Variants in MSRA observed in about 807,000 individuals in gnomAD.
MSRA encodes methionine sulfoxide reductase A.
Under a neutral mutation model 31.3 loss-of-function variants are expected in MSRA, and 54 were observed. The observed-to-expected ratio is 1.73, with a 90% CI of 1.39 to 2.17. The LOEUF is 2.17. MSRA is among the 30% of genes most tolerant of loss of function. MSRA has a pLI of 0.00. For synonymous variants in MSRA, 169 were observed against 116.5 expected, an observed-to-expected ratio of 1.45 and a Z score of -2.90; for missense variants, 507 against 300.9, an observed-to-expected ratio of 1.69 and a Z score of -5.07.
intron 1 of MSRA, among the ~76,000 whole-genome samples, chr8:10,190,740 C>T (rs1444819672): frequency 6.6e-6 from 1 of 152,172 alleles, no homozygotes; most frequent in East Asian, 1.9e-4. Context: ...TTCTTGTAAG[C>T]AGTATCTGAG....
intron 5 of MSRA, among the ~76,000 whole-genome samples, chr8:10,334,012 C>T (rs1585501880): frequency 6.6e-6 from 1 of 152,084 alleles, no homozygotes; most frequent in Non-Finnish European, 1.5e-5. Flanking sequence ...CGTTTTTCTC[C>T]CCCTACCCGC....
rs1030446242 is a variant in MSRA at position 10,247,510 on chromosome 8, A to G, written c.331+2287A>G. Among the ~76,000 whole-genome samples the G allele has an allele frequency of 2.6e-5, 4 of 152,218 alleles. No homozygotes were observed. The South Asian group carries it at 8.3e-4, about 32-fold the overall frequency. ...AATGATTAAGGAGAATGCCAAGGAA[A>G]TTCTTTTGTCTTTCTTATGTTTAGA... On this transcript the variant is annotated intron_variant, in intron 3 of 5. Transcript: ENST00000317173.
intron 5 of MSRA, among the ~76,000 whole-genome samples, chr8:10,389,689 T>G (rs73536280): frequency 0.085 from 12,741 of 150,486 alleles, 1,222 homozygotes; most frequent in African/African-American, 0.24. Context: ...CAGTCCTGCC[T>G]TCATGGGCCT....
At chr8:10,208,590 CTCT>C (rs920022829) in intron 2 of MSRA, among the ~76,000 whole-genome samples, 86 of 151,892 alleles carry the variant, frequency 5.7e-4, no homozygotes, top group African/African-American at 2.1e-3. Flanking sequence ...CCTTCCTTAC[CTCT>C]TCTTCTGTTG....
chr8:10,158,640 C>A (rs1465755231), intron 1 of MSRA, among the ~76,000 whole-genome samples: 1 of 152,166 alleles, frequency 6.6e-6, no homozygotes, highest in African/African-American at 2.4e-5. Flanking sequence ...AGTTGACAGA[C>A]ATTTGGGTTG....
At chr8:10,416,824 C>G (rs1022162366) in intron 5 of MSRA, among the ~76,000 whole-genome samples, 7 of 152,220 alleles carry the variant, frequency 4.6e-5, no homozygotes, top group Non-Finnish European at 7.3e-5. Flanking sequence ...GTGGAGCCAA[C>G]AAGCTGAAAC....
intron 2 of MSRA, among the ~76,000 whole-genome samples, chr8:10,225,198 A>AT (rs1318946087): frequency 7.9e-5 from 12 of 152,300 alleles, no homozygotes; most frequent in Middle Eastern, 6.8e-3. Flanking sequence ...AGGCCTTGTC[A>AT]TCTCATCCCT....
intron 5 of MSRA, among the ~76,000 whole-genome samples, chr8:10,418,815 T>TAAAAAAAAAAAAAAAAAAAAAAAAAAA (rs71203323): frequency 4.5e-5 from 3 of 66,036 alleles, no homozygotes; most frequent in Non-Finnish European, 7.4e-5. Context: ...TTACTACGAC[T>TAAAAAAAAAAAAAAAAAAAAAAAAAAA]AAAAAAAAAA....
At chr8:10,374,927 G>A (rs1805674198) in intron 5 of MSRA, among the ~76,000 whole-genome samples, 1 of 152,078 alleles carries the variant, frequency 6.6e-6, no homozygotes, top group Non-Finnish European at 1.5e-5. Flanking sequence ...TTGCTTAAAA[G>A]AGCTTGGACC....
chr8:10,105,704 C>G (rs375773137), intron 1 of MSRA, among the ~76,000 whole-genome samples: 1 of 152,096 alleles, frequency 6.6e-6, no homozygotes. Context: ...AGTAGTCTTG[C>G]TAACAAAATA....
intron 5 of MSRA, among the ~76,000 whole-genome samples, chr8:10,400,789 G>C (rs1278607962): frequency 6.6e-6 from 1 of 152,204 alleles, no homozygotes; most frequent in African/African-American, 2.4e-5. Flanking sequence ...ATGGTGCTGG[G>C]ACAACTGGAT....
rs371247153 is a variant in MSRA, at chr8:10,222,092, TA to T, written c.211+14194del. ...AGGTATGACGTGACTTTTTTTTTTT[TA>T]AAGCCACCGTGAGTGCTCTGTTGAA... On this transcript the variant is annotated intron_variant, in intron 2 of 5. Coordinates refer to ENST00000317173, the MANE Select transcript of MSRA (RefSeq NM_012331.5). 5.2e-3 allele frequency among the ~76,000 whole-genome samples: 780 copies of T among 151,222 alleles called. 6 individuals are homozygous for T. Among genetic ancestry groups the T allele is most frequent in the African/African-American group, 0.018 (729 of 41,412 alleles).
chr8:10,126,835 C>G (rs1448760075), intron 1 of MSRA, among the ~76,000 whole-genome samples: 1 of 152,182 alleles, frequency 6.6e-6, no homozygotes, highest in East Asian at 1.9e-4. Flanking sequence ...AAGGAGTGCA[C>G]ACGTGCTTAG....
At chr8:10,285,496 A>G (rs977946299) in intron 3 of MSRA, among the ~76,000 whole-genome samples, 1 of 152,128 alleles carries the variant, frequency 6.6e-6, no homozygotes, top group Non-Finnish European at 1.5e-5. Context: ...TTGTGTTGGG[A>G]ACCTTCAAAA....
chr8:10,226,822 C>G (rs904084958), intron 2 of MSRA, among the ~76,000 whole-genome samples: 1 of 152,206 alleles, frequency 6.6e-6, no homozygotes. Context: ...ACAGCTCATT[C>G]TCAGCCTGCC....
chr8:10,246,205 A>T (rs1473126674), intron 3 of MSRA, among the ~76,000 whole-genome samples: 1 of 152,204 alleles, frequency 6.6e-6, no homozygotes, highest in Non-Finnish European at 1.5e-5. Flanking sequence ...GCTTGCAACC[A>T]ACTATGTGGT....
Position 10,200,158 on chromosome 8 carries a change from C to G in MSRA, c.143-7675C>G, listed in dbSNP as rs551935992. ...ACCAGCCGGGAGGTGTATCTCCGTTCTGCTGCGTCTGGAGCAAAGGGAGCG... is the reference window on the plus strand; with the variant it reads ...ACCAGCCGGGAGGTGTATCTCCGTTGTGCTGCGTCTGGAGCAAAGGGAGCG... On this transcript the variant is annotated intron_variant, in intron 1 of 5. Transcript: ENST00000317173. Among the ~76,000 whole-genome samples the G allele has an allele frequency of 3.2e-4, 48 of 152,322 alleles. No individual in the cohort carries two copies. In the South Asian group the frequency reaches 9.5e-3, roughly 30 times the overall value.
At chr8:10,399,744 G>A (rs920045173) in intron 5 of MSRA, among the ~76,000 whole-genome samples, 8 of 152,170 alleles carry the variant, frequency 5.3e-5, no homozygotes, top group Non-Finnish European at 1.0e-4. Context: ...TGGTGGTAGC[G>A]CTACATAGGA....
At position 10,083,776 on chromosome 8, in the gene MSRA, G is replaced by A. The variant is rs186371350; in HGVS notation, c.142+29118G>A. Among the ~76,000 whole-genome samples, 3 of 151,856 alleles carry A rather than the reference G, an allele frequency of 2.0e-5. No individual in the cohort carries two copies. The East Asian group carries it at 5.8e-4, about 29-fold the overall frequency. On this transcript the variant is annotated intron_variant, in intron 1 of 5. Coordinates refer to ENST00000317173, the MANE Select transcript of MSRA (RefSeq NM_012331.5). ...AGATTTAAGGTAATAACACAATTTT[G>A]ATGTCTGTGGATTAATGGCGTCTGT... is the stretch of plus-strand genomic sequence containing the variant.
Sources: allele counts gnomAD v4.1 joint callset (sites outside exome capture counted in the v4.1 genomes callset), GRCh38; gene constraint gnomAD v4.1.1; transcripts MANE v1.5; gene names NCBI Gene and HGNC (gene_info 2026-07-23, HGNC 2026-07-21).